The following HEPH variants were observed in gnomAD, a reference collection of about 807,000 sequenced individuals.
HEPH encodes hephaestin.
Under a neutral mutation model 80.8 loss-of-function variants are expected in HEPH, and 69 were observed. The ratio of observed to expected loss-of-function variants is 0.85; its 90% CI spans 0.70 to 1.04. The LOEUF is 1.04. Ranked by LOEUF, HEPH falls within the 50% of genes least tolerant of loss-of-function variation. The pLI is 0.00. For missense variants in HEPH, 1,115 were observed against 891.3 expected, an observed-to-expected ratio of 1.25 and a Z score of -3.20; for synonymous variants, 431 against 322.8, an observed-to-expected ratio of 1.34 and a Z score of -3.60.
At chrX:66,219,512 C>T (rs2089545445) in intron 15 of HEPH, among the ~76,000 whole-genome samples, 1 of 111,854 alleles carries the variant, frequency 8.9e-6, no homozygotes, top group Admixed American at 9.5e-5. Context: ...ATAGTCAAGG[C>T]TCTGCTGGTC....
At chrX:66,168,715 A>T (rs17301659) in intron 1 of HEPH, among the ~76,000 whole-genome samples, 43,683 of 111,104 alleles carry the variant, frequency 0.39, 9,645 homozygotes, top group African/African-American at 0.86. Context: ...TTTGATTCTC[A>T]ATTTTTTATT....
At chrX:66,173,110 C>A (rs1280259522) in intron 3 of HEPH, among the ~76,000 whole-genome samples, 3 of 112,107 alleles carry the variant, frequency 2.7e-5, no homozygotes, top group Non-Finnish European at 5.6e-5. Flanking sequence ...TCTGGCTGGG[C>A]CACTAAATCC....
chrX:66,237,264 CT>C (rs760328701), intron 15 of HEPH, among the ~76,000 whole-genome samples: 66 of 110,660 alleles, frequency 6.0e-4, no homozygotes, highest in African/African-American at 2.1e-3. Context: ...GCATTTTGTG[CT>C]GTAAACTTTC....
intron 9 of HEPH, among the ~76,000 whole-genome samples, chrX:66,195,959 T>A (rs1242832839): frequency 8.9e-6 from 1 of 111,873 alleles, no homozygotes; most frequent in African/African-American, 3.2e-5. Context: ...AAGAGCAAAG[T>A]TGCAGACAAA....
intron 15 of HEPH, among the ~76,000 whole-genome samples, chrX:66,218,819 T>G (rs1250331735): frequency 9.7e-6 from 1 of 103,431 alleles, no homozygotes; most frequent in Non-Finnish European, 2.0e-5. Context: ...TTTACAGTGC[T>G]TTTCTATACA....
At chrX:66,171,645 C>T (rs761202779) in intron 2 of HEPH, among the ~76,000 whole-genome samples, 1 of 111,808 alleles carries the variant, frequency 8.9e-6, no homozygotes, top group African/African-American at 3.2e-5. Flanking sequence ...TTTTTTGACA[C>T]AAAATATTCA....
At chrX:66,222,415 T>C (rs1340203330) in intron 15 of HEPH, among the ~76,000 whole-genome samples, 1 of 112,692 alleles carries the variant, frequency 8.9e-6, no homozygotes, top group African/African-American at 3.2e-5. Flanking sequence ...TGCACAAGCA[T>C]AACAATTGCT....
At chrX:66,180,550 C>T (rs1280172254) in intron 4 of HEPH, among the ~76,000 whole-genome samples, 1 of 106,743 alleles carries the variant, frequency 9.4e-6, no homozygotes, top group Non-Finnish European at 1.9e-5. Flanking sequence ...TTCTTTCCTT[C>T]TTTGTCTTAA....
chrX:66,212,954 T>C (rs1233076112), intron 15 of HEPH, among the ~76,000 whole-genome samples: 1 of 110,944 alleles, frequency 9.0e-6, no homozygotes, highest in African/African-American at 3.3e-5. Context: ...TCTTTTGATT[T>C]TTTTTATTTG....
At position 66,193,709 on chromosome X, in the gene HEPH, C is replaced by A. The variant is rs979650986; in HGVS notation, c.1369+71C>A. On this transcript the variant is annotated intron_variant, in intron 8 of 20. Coordinates refer to ENST00000343002, the MANE Select transcript of HEPH (RefSeq NM_001367233.3). The stretch of plus-strand genomic sequence containing the variant: ...ATTGAGGAAGACTTTGAAACTGAGG[C>A]CTGGACATCACTTAGGAGCACATTG... The A allele has an allele frequency of 1.8e-5, 15 of 832,833 alleles. No homozygotes were observed. In the African/African-American group the frequency reaches 3.1e-4, roughly 17 times the overall value. The allele number at this position is 832,833 out of a possible 1,213,427, so 68.6% of individuals were successfully genotyped here.
intron 16 of HEPH, among the ~76,000 whole-genome samples, chrX:66,255,611 A>C (rs1441154767): frequency 1.8e-5 from 2 of 111,648 alleles, no homozygotes; most frequent in Non-Finnish European, 3.8e-5. Flanking sequence ...AGTGCCTACC[A>C]CATTTTAGGC....
intron 13 of HEPH, among the ~76,000 whole-genome samples, chrX:66,204,362 TAGC>T (rs1359253783): frequency 2.7e-5 from 3 of 112,348 alleles, no homozygotes; most frequent in Admixed American, 9.4e-5. Flanking sequence ...AGATACAAAT[TAGC>T]AGTCTCCACT....
intron 11 of HEPH, among the ~76,000 whole-genome samples, chrX:66,199,907 A>C: frequency 9.0e-6 from 1 of 111,103 alleles, no homozygotes; most frequent in Non-Finnish European, 1.9e-5. Context: ...TAATGCAGAG[A>C]AAAATAGAGC....
intron 12 of HEPH, among the ~76,000 whole-genome samples, chrX:66,202,913 A>G (rs1049480221): frequency 1.8e-4 from 11 of 59,538 alleles, no homozygotes; most frequent in Non-Finnish European, 2.7e-4. Context: ...TTATGTGTGC[A>G]TATATATATA....
Position 66,203,484 on chromosome X carries a change from G to T in HEPH, c.2198G>T (p.Arg733Ile). The change falls in exon 13 of 21, where the codon AGA becomes ATA. Residue 733 changes from arginine (R) to isoleucine (I), a missense_variant. Arg to Ile is a moderately conservative substitution (Grantham distance 97). This residue lies in a region of HEPH where 716 missense variants were observed against 523.5 expected (regional missense o/e 1.37). Coordinates refer to ENST00000343002, the MANE Select transcript of HEPH (RefSeq NM_001367233.3). The stretch of plus-strand genomic sequence containing the variant: ...CCTCGCCAACGCTACCAAGCTGCAA[G>T]AATCTACTATATCATGGCAGAAGAA... Reference protein sequence around the residue: ...ATPRQRYQAARIYYIMAEEVE... With the variant: ...ATPRQRYQAAIIYYIMAEEVE... 8.3e-7 allele frequency: 1 copy of T among 1,211,663 alleles called. No individual in the cohort carries two copies. The highest frequency in any genetic ancestry group is 2.2e-5 in the Admixed American group (1 of 46,061).
At chrX:66,170,441 G>T (rs2086543510) in intron 1 of HEPH, 117 bp from the exon 2 acceptor site, 1 of 531,691 alleles carries the variant, frequency 1.9e-6, no homozygotes. Context: ...GGGCTAAATG[G>T]GTTTTGCTTT....
chrX:66,252,968 G>A (rs1329681447), intron 15 of HEPH, among the ~76,000 whole-genome samples: 11 of 112,138 alleles, frequency 9.8e-5, no homozygotes, highest in Non-Finnish European at 2.1e-4. Flanking sequence ...ATGGGTCAAA[G>A]ACCTAAATAT....
chrX:66,262,086 T>A (rs1478064803), intron 19 of HEPH, among the ~76,000 whole-genome samples: 1 of 112,574 alleles, frequency 8.9e-6, no homozygotes, highest in Non-Finnish European at 1.9e-5. Context: ...CCATAAATCT[T>A]TTCTATTTGC....
intron 14 of HEPH, 39 bp from the exon 15 acceptor site, chrX:66,208,076 A>T (rs1483727973): frequency 9.4e-7 from 1 of 1,068,203 alleles, no homozygotes; most frequent in Admixed American, 2.6e-5. Context: ...TCCTGCATTA[A>T]TGAAACTTTA....
Sources: allele counts gnomAD v4.1 joint callset (sites outside exome capture counted in the v4.1 genomes callset), GRCh38; gene constraint gnomAD v4.1.1; regional missense constraint gnomAD v4.1.1; transcripts MANE v1.5; gene names NCBI Gene and HGNC (gene_info 2026-07-23, HGNC 2026-07-21).